Variants in MBOAT2 observed in about 807,000 individuals in gnomAD.
MBOAT2 encodes the protein membrane bound glycerophospholipid O-acyltransferase 2, also known as membrane-bound glycerophospholipid O-acyltransferase 2.
In MBOAT2, 28 loss-of-function variants were observed where a neutral mutation model predicts 63.4. The ratio of observed to expected loss-of-function variants is 0.44; its 90% CI spans 0.33 to 0.61. The LOEUF is 0.61. Among genes scored for constraint, MBOAT2 ranks in the 20% least tolerant of loss-of-function variants. MBOAT2 has a pLI of 0.03. For synonymous variants in MBOAT2, 211 were observed against 215.6 expected, an observed-to-expected ratio of 0.98 and a Z score of 0.19; for missense variants, 470 against 605.8, an observed-to-expected ratio of 0.78 and a Z score of 2.35.
At chr2:8,985,738 C>T (rs961013368) in intron 1 of MBOAT2, among the ~76,000 whole-genome samples, 14 of 152,144 alleles carry the variant, frequency 9.2e-5, no homozygotes, top group Admixed American at 5.9e-4. Flanking sequence ...CTCTGCACCA[C>T]ACCCGCCATG....
intron 4 of MBOAT2, among the ~76,000 whole-genome samples, chr2:8,890,901 A>G (rs1663945262): frequency 2.0e-5 from 3 of 152,080 alleles, no homozygotes; most frequent in South Asian, 4.1e-4. Context: ...GGTTAATTAT[A>G]CTCTCTCCCA....
Position 8,882,462 on chromosome 2 carries a change from T to C in MBOAT2, c.506+49A>G, listed in dbSNP as rs762381255. 2.5e-6 allele frequency: 4 copies of C among 1,593,454 alleles called. No homozygotes were observed. The African/African-American group carries it at 4.0e-5, about 16-fold the overall frequency. On this transcript the variant is annotated intron_variant, in intron 6 of 12. Coordinates refer to ENST00000305997, the MANE Select transcript of MBOAT2 (RefSeq NM_138799.4). ...TCAGCCACAGAAGGAACGTGGGTCC[T>C]AGGCAGGGGCGCAGGAAGCATGGCA...
At chr2:8,951,822 T>C (rs1037459761) in intron 2 of MBOAT2, among the ~76,000 whole-genome samples, 27 of 152,224 alleles carry the variant, frequency 1.8e-4, no homozygotes, top group Non-Finnish European at 4.4e-5. Context: ...TTTTCTCTCT[T>C]TGTTAATCTA....
chr2:8,975,788 T>G lies in MBOAT2; in HGVS notation c.76-17146A>C, dbSNP rs73912904. Among the ~76,000 whole-genome samples, 547 of 86,446 alleles carry G rather than the reference T, an allele frequency of 6.3e-3. 5 individuals carry two copies. The highest frequency in any genetic ancestry group is 0.031 in the African/African-American group (519 of 17,004). The allele number at this position is 86,446 out of a possible 152,430, so 56.7% of individuals were successfully genotyped here. A position where few individuals can be genotyped will look rare whatever the true frequency, so the allele number is the denominator to read the frequency against. ...AGGCCAGTAAAAGAGGACAATTAAA[T>G]GAACAATACAAAAAAAAAAAAAAAA... On this transcript the variant is annotated intron_variant, in intron 1 of 12. Transcript: ENST00000305997.
intron 1 of MBOAT2, among the ~76,000 whole-genome samples, chr2:8,963,657 A>C (rs1434357513): frequency 6.6e-6 from 1 of 152,192 alleles, no homozygotes; most frequent in East Asian, 1.9e-4. Flanking sequence ...TAATTATATA[A>C]ATCTGTATAT....
rs528708700 is a variant in MBOAT2 at position 8,940,856 on chromosome 2, T to G, written c.299+2331A>C. Among the ~76,000 whole-genome samples, 17 of 152,314 alleles carry G rather than the reference T, an allele frequency of 1.1e-4. No individual in the cohort carries two copies. The East Asian group carries it at 3.3e-3, about 29-fold the overall frequency. ...CACAGATAAATTCAAATCTTTCATT[T>G]TAAAGACTTAAACTCTGGCTAGTCA... On this transcript the variant is annotated intron_variant, in intron 3 of 12. Transcript: ENST00000305997.
At position 8,868,488 on chromosome 2, in the gene MBOAT2, A is replaced by G; in HGVS notation, c.945T>C (p.Ala315=). The change falls in exon 9 of 13, where the codon GCT becomes GCC. Residue 315 remains alanine (A), a synonymous_variant. Coordinates refer to ENST00000305997, the MANE Select transcript of MBOAT2 (RefSeq NM_138799.4). ...GFRGYDENGA[A]RWDLISNLRI... is the part of the protein sequence containing the mutation. Reference sequence around the variant, plus strand: ...TCAAATTGGAAATTAAGTCCCAGCGAGCTGCTCCATTTTCGTCATACCCTC... The same window carrying G: ...TCAAATTGGAAATTAAGTCCCAGCGGGCTGCTCCATTTTCGTCATACCCTC... The G allele has an allele frequency of 6.2e-7, 1 of 1,614,106 alleles. No individual in the cohort carries two copies. The highest frequency in any genetic ancestry group is 2.2e-5 in the East Asian group (1 of 44,858).
intron 4 of MBOAT2, among the ~76,000 whole-genome samples, chr2:8,901,353 C>T (rs1448536857): frequency 2.6e-5 from 4 of 152,090 alleles, no homozygotes; most frequent in Admixed American, 2.0e-4. Context: ...CCCTTACCGA[C>T]GCATTCTCAA....
chr2:8,903,473 T>C (rs773971517), intron 4 of MBOAT2, among the ~76,000 whole-genome samples: 4 of 149,282 alleles, frequency 2.7e-5, no homozygotes, highest in Non-Finnish European at 5.9e-5. Context: ...TTATTTCACA[T>C]AGATTTTTTT....
intron 3 of MBOAT2, among the ~76,000 whole-genome samples, chr2:8,911,528 T>C (rs967941875): frequency 3.3e-5 from 5 of 152,216 alleles, no homozygotes; most frequent in Admixed American, 3.3e-4. Context: ...TAATCTCTAA[T>C]GCTGGAGGTG....
intron 1 of MBOAT2, among the ~76,000 whole-genome samples, chr2:8,971,006 A>G (rs1459046889): frequency 6.6e-6 from 1 of 152,212 alleles, no homozygotes; most frequent in African/African-American, 2.4e-5. Context: ...ATCCTCCCTA[A>G]CTCATTTTAT....
chr2:8,976,114 C>T (rs1158058161), intron 1 of MBOAT2, among the ~76,000 whole-genome samples: 2 of 152,018 alleles, frequency 1.3e-5, no homozygotes, highest in East Asian at 3.9e-4. Context: ...AGCCAGACTC[C>T]CAAAGGTTGA....
chr2:8,861,470 T>C (rs1661489258), intron 11 of MBOAT2, among the ~76,000 whole-genome samples: 1 of 152,186 alleles, frequency 6.6e-6, no homozygotes, highest in Admixed American at 6.5e-5. Context: ...CAAAAGCCCG[T>C]ACCTCAGGAC....
intron 1 of MBOAT2, among the ~76,000 whole-genome samples, chr2:8,990,142 A>G (rs188369638): frequency 6.6e-6 from 1 of 152,316 alleles, no homozygotes; most frequent in East Asian, 1.9e-4. Context: ...CCTAGGAAAA[A>G]GCCTGGCAAT....
At chr2:8,967,847 T>C (rs1670113652) in intron 1 of MBOAT2, among the ~76,000 whole-genome samples, 1 of 151,854 alleles carries the variant, frequency 6.6e-6, no homozygotes, top group South Asian at 2.1e-4. Flanking sequence ...ATCACATAAA[T>C]ATAAAAAATT....
chr2:8,952,933 C>T (rs781372704), intron 2 of MBOAT2, among the ~76,000 whole-genome samples: 25 of 152,080 alleles, frequency 1.6e-4, no homozygotes, highest in Non-Finnish European at 2.8e-4. Context: ...CCACTTGCCA[C>T]TCTGCCTTTT....
At chr2:8,921,259 C>T (rs928927206) in intron 3 of MBOAT2, among the ~76,000 whole-genome samples, 1 of 151,926 alleles carries the variant, frequency 6.6e-6, no homozygotes, top group African/African-American at 2.4e-5. Context: ...TTAGTGATTG[C>T]TCTAGGAATT....
chr2:8,889,190 C>A (rs1198133814), intron 4 of MBOAT2, among the ~76,000 whole-genome samples: 1 of 152,232 alleles, frequency 6.6e-6, no homozygotes, highest in Non-Finnish European at 1.5e-5. Flanking sequence ...TAGTTCTGAC[C>A]TGCTCTCTTC....
At chr2:8,895,112 A>G (rs1415630455) in intron 4 of MBOAT2, among the ~76,000 whole-genome samples, 2 of 152,248 alleles carry the variant, frequency 1.3e-5, no homozygotes, top group Non-Finnish European at 2.9e-5. Context: ...TGTGAAGAGC[A>G]AAAGAATAAA....
Sources: allele counts gnomAD v4.1 joint callset (sites outside exome capture counted in the v4.1 genomes callset), GRCh38; gene constraint gnomAD v4.1.1; transcripts MANE v1.5; gene names NCBI Gene and HGNC (gene_info 2026-07-23, HGNC 2026-07-21).